TNNI3K: variants seen among roughly 807,000 people sequenced by gnomAD.
The protein encoded by TNNI3K is TNNI3 interacting kinase.
TNNI3K carries 140 observed loss-of-function variants against 114.5 expected under a neutral mutation model. The ratio of observed to expected loss-of-function variants is 1.22; its 90% CI spans 1.07 to 1.41. The LOEUF (loss-of-function observed/expected upper bound fraction) is 1.41, where lower values mean the gene tolerates loss of function less well. Among genes scored for constraint, TNNI3K ranks in the 40% most tolerant of loss-of-function variants. TNNI3K has a pLI of 0.00. For synonymous variants in TNNI3K, 347 were observed against 347.5 expected (o/e 1.00, Z 0.02); for missense variants, 1,125 against 1,007.6 (o/e 1.12, Z -1.58).
intron 17 of TNNI3K, among the ~76,000 whole-genome samples, chr1:74,407,647 T>G (rs1294599934): frequency 1.3e-5 from 2 of 152,152 alleles, no homozygotes; most frequent in African/African-American, 2.4e-5. Context: ...CATTTTGAAG[T>G]GAAGATAATG....
intron 23 of TNNI3K, among the ~76,000 whole-genome samples, chr1:74,536,838 C>A (rs1570756099): frequency 6.6e-6 from 1 of 152,058 alleles, no homozygotes; most frequent in Non-Finnish European, 1.5e-5. Flanking sequence ...TGTTGAATTC[C>A]TGAGGCAGCT....
intron 17 of TNNI3K, among the ~76,000 whole-genome samples, chr1:74,398,563 G>A (rs1664199670): frequency 6.6e-6 from 1 of 152,150 alleles, no homozygotes; most frequent in Admixed American, 6.5e-5. Flanking sequence ...CCCAAAATAG[G>A]GAGACTAAAG....
At chr1:74,410,436 A>G (rs750438496) in intron 17 of TNNI3K, among the ~76,000 whole-genome samples, 1 of 152,194 alleles carries the variant, frequency 6.6e-6, no homozygotes, top group Admixed American at 6.6e-5. Context: ...CCCTCAATAT[A>G]TGAATCTCCA....
At chr1:74,499,535 G>A (rs1447128917) in intron 23 of TNNI3K, among the ~76,000 whole-genome samples, 3 of 152,112 alleles carry the variant, frequency 2.0e-5, no homozygotes, top group Non-Finnish European at 2.9e-5. Context: ...TTTTATCATA[G>A]GAATATAGGT....
Position 74,362,324 on chromosome 1 carries a change from T to A in TNNI3K, c.1178-4932T>A, listed in dbSNP as rs182786775. On this transcript the variant is annotated intron_variant, in intron 11 of 24. Transcript: ENST00000326637. The stretch of plus-strand genomic sequence containing the variant: ...AGGTATAAAGTAAGGCCTAGTCTGT[T>A]CCTTTGATGACCTGAGCATGTGAGA... Among the ~76,000 whole-genome samples, 632 of 152,268 alleles carry A rather than the reference T, an allele frequency of 4.2e-3. 2 individuals are homozygous for A. The highest frequency in any genetic ancestry group is 6.8e-3 in the Non-Finnish European group (462 of 68,000).
intron 2 of TNNI3K, among the ~76,000 whole-genome samples, chr1:74,244,080 A>G (rs542049557): frequency 6.6e-6 from 1 of 152,274 alleles, no homozygotes; most frequent in East Asian, 1.9e-4. Context: ...ATGTTTCAAA[A>G]CAGAAACGTT....
At chr1:74,271,555 G>A (rs1250396910) in intron 4 of TNNI3K, 43 bp from the exon 5 acceptor site, 2 of 1,544,572 alleles carry the variant, frequency 1.3e-6, no homozygotes, top group Non-Finnish European at 1.8e-6. Context: ...TTTTGAACCT[G>A]TTATTAGCAG....
intron 5 of TNNI3K, among the ~76,000 whole-genome samples, chr1:74,330,127 G>A (rs1660118986): frequency 6.6e-6 from 1 of 152,060 alleles, no homozygotes; most frequent in Non-Finnish European, 1.5e-5. Context: ...GAAGAAATTG[G>A]AAATATTAAC....
At chr1:74,337,063 C>G (rs1307635776) in intron 7 of TNNI3K, among the ~76,000 whole-genome samples, 17 of 150,774 alleles carry the variant, frequency 1.1e-4, no homozygotes, top group Admixed American at 2.6e-4. Flanking sequence ...GAGATGGTAT[C>G]TCATTGTGGT....
intron 5 of TNNI3K, among the ~76,000 whole-genome samples, chr1:74,282,224 A>T (rs575647527): frequency 6.6e-6 from 1 of 152,162 alleles, no homozygotes; most frequent in East Asian, 2.0e-4. Context: ...ACACACAGAG[A>T]TATGACCATG....
chr1:74,269,177 A>G (rs910003374), intron 4 of TNNI3K, among the ~76,000 whole-genome samples: 7 of 151,928 alleles, frequency 4.6e-5, no homozygotes, highest in Non-Finnish European at 1.5e-5. Context: ...CCAGTTTAAA[A>G]TAGCCATCTA....
At chr1:74,339,330 C>T (rs1186407235) in intron 7 of TNNI3K, among the ~76,000 whole-genome samples, 4 of 152,214 alleles carry the variant, frequency 2.6e-5, no homozygotes, top group Admixed American at 2.6e-4. Context: ...CTAGTACACG[C>T]TTGATATTTA....
intron 2 of TNNI3K, among the ~76,000 whole-genome samples, chr1:74,247,890 C>T (rs1654680865): frequency 6.6e-6 from 1 of 152,192 alleles, no homozygotes; most frequent in Admixed American, 6.5e-5. Context: ...CAGTCCCACG[C>T]TGCGTGCCTG....
chr1:74,294,610 C>G (rs2100299011), intron 5 of TNNI3K, among the ~76,000 whole-genome samples: 1 of 152,000 alleles, frequency 6.6e-6, no homozygotes, highest in Middle Eastern at 3.4e-3. Context: ...TTCACTTCTT[C>G]CTATGTTCAT....
chr1:74,307,316 A>G (rs999784782), intron 5 of TNNI3K, among the ~76,000 whole-genome samples: 2 of 152,208 alleles, frequency 1.3e-5, no homozygotes, highest in Non-Finnish European at 2.9e-5. Context: ...TGCTTCTCTT[A>G]AAAGACATAG....
chr1:74,523,668 T>C (rs1226763235), intron 23 of TNNI3K, among the ~76,000 whole-genome samples: 9 of 152,342 alleles, frequency 5.9e-5, no homozygotes, highest in Non-Finnish European at 1.2e-4. Context: ...GTTGGCAGTG[T>C]CTGGTCTGGT....
chr1:74,413,553 A>G (rs1286179036), intron 17 of TNNI3K, among the ~76,000 whole-genome samples: 2 of 152,216 alleles, frequency 1.3e-5, no homozygotes, highest in African/African-American at 4.8e-5. Context: ...ATCTTCTGAT[A>G]AAATGTATTT....
chr1:74,434,076 TA>T (rs5775239), intron 17 of TNNI3K, among the ~76,000 whole-genome samples: 2,659 of 152,102 alleles, frequency 0.017, 55 homozygotes, highest in East Asian at 0.06. Flanking sequence ...AGTCATTTGG[TA>T]ATTGCATTCT....
At chr1:74,392,668 C>A (rs866434758) in intron 17 of TNNI3K, among the ~76,000 whole-genome samples, 1 of 152,210 alleles carries the variant, frequency 6.6e-6, no homozygotes, top group Non-Finnish European at 1.5e-5. Context: ...TTTCCACACT[C>A]TTCCCACAAC....
Sources: allele counts gnomAD v4.1 joint callset (sites outside exome capture counted in the v4.1 genomes callset), GRCh38; gene constraint gnomAD v4.1.1; transcripts MANE v1.5; gene names NCBI Gene and HGNC (gene_info 2026-07-23, HGNC 2026-07-21).